The following MKLN1 variants were observed in gnomAD, a reference collection of about 807,000 sequenced individuals.
The protein encoded by MKLN1 is muskelin 1.
In MKLN1, 18 loss-of-function variants were observed where a neutral mutation model predicts 99.0. That is an observed-to-expected ratio of 0.18 (90% CI 0.13 to 0.27). The LOEUF is 0.27. Among genes scored for constraint, MKLN1 ranks in the 10% least tolerant of loss-of-function variants. The pLI is 1.00. For missense variants in MKLN1, 621 were observed against 875.9 expected, an observed-to-expected ratio of 0.71 and a Z score of 3.67; for synonymous variants, 288 against 293.2, an observed-to-expected ratio of 0.98 and a Z score of 0.18.
chr7:131,112,452 A>C (rs1357013094), intron 1 of MKLN1, among the ~76,000 whole-genome samples: 1 of 152,254 alleles, frequency 6.6e-6, no homozygotes, highest in Non-Finnish European at 1.5e-5. Flanking sequence ...TGTTGACAGA[A>C]AAATAAAATT....
chr7:131,242,508 G>C, intron 3 of MKLN1: 1 of 259,754 alleles, frequency 3.8e-6, no homozygotes, highest in Non-Finnish European at 7.6e-6. Flanking sequence ...TGCCCTCCAG[G>C]CTGGGTGACA....
chr7:131,358,610 T>C (rs1799945710), intron 1 of MKLN1, among the ~76,000 whole-genome samples: 1 of 152,164 alleles, frequency 6.6e-6, no homozygotes, highest in Non-Finnish European at 1.5e-5. Flanking sequence ...ATTGGTATCA[T>C]TGTTTTCTTT....
chr7:131,197,817 T>C (rs919394594), intron 2 of MKLN1, among the ~76,000 whole-genome samples: 2 of 152,026 alleles, frequency 1.3e-5, no homozygotes, highest in African/African-American at 4.8e-5. Context: ...TCTAATCTAA[T>C]ACTGCCAGCA....
At chr7:131,285,994 C>T (rs977715756) in intron 3 of MKLN1, among the ~76,000 whole-genome samples, 6 of 147,012 alleles carry the variant, frequency 4.1e-5, no homozygotes, top group African/African-American at 7.7e-5. Flanking sequence ...TTCACTCTGT[C>T]GCCCAGGCTG....
At chr7:131,382,306 A>C (rs1584677481) in intron 2 of MKLN1, among the ~76,000 whole-genome samples, 1 of 152,250 alleles carries the variant, frequency 6.6e-6, no homozygotes, top group East Asian at 1.9e-4. Flanking sequence ...CGGAGGTTGC[A>C]GTGAGCCAGG....
chr7:131,382,105 C>G (rs1793867682), intron 2 of MKLN1, among the ~76,000 whole-genome samples: 1 of 152,220 alleles, frequency 6.6e-6, no homozygotes, highest in Non-Finnish European at 1.5e-5. Flanking sequence ...TGGCTCGTGC[C>G]TGTAATCCCA....
At chr7:131,361,235 C>T (rs1277075382) in intron 1 of MKLN1, among the ~76,000 whole-genome samples, 2 of 151,482 alleles carry the variant, frequency 1.3e-5, no homozygotes, top group East Asian at 3.9e-4. Flanking sequence ...TTCTTCTGCT[C>T]CTTTCTTTCC....
At chr7:131,300,519 T>TAA (rs572144976) in intron 3 of MKLN1, among the ~76,000 whole-genome samples, 9,104 of 139,016 alleles carry the variant, frequency 0.065, 315 homozygotes, top group Middle Eastern at 0.14. Flanking sequence ...TGTCTCTAGT[T>TAA]AAAAAAAAAA....
At chr7:131,446,000 T>C (rs1796003425) in intron 12 of MKLN1, 97 bp downstream of exon 12, 1 of 743,318 alleles carries the variant, frequency 1.3e-6, no homozygotes, top group Non-Finnish European at 2.0e-6. Context: ...TTTCACCCTT[T>C]CTTTATTTCT....
rs548179840 is a variant in MKLN1, at chr7:131,244,152, G to A, written c.-179+41178G>A. ...TACCCGATTTCCCTCTACTCCCCAG[G>A]GACCTGATGACCATTAATGCCTATT... On this transcript the variant is annotated intron_variant, in intron 3 of 7. Transcript: ENST00000416992. Among the ~76,000 whole-genome samples the A allele has an allele frequency of 4.5e-4, 68 of 152,028 alleles. 1 individual carries two copies. The highest frequency in any genetic ancestry group is 7.9e-4 in the Non-Finnish European group (54 of 68,004).
chr7:131,137,449 T>C (rs1473340625), intron 1 of MKLN1, among the ~76,000 whole-genome samples: 1 of 152,190 alleles, frequency 6.6e-6, no homozygotes, highest in Admixed American at 6.5e-5. Context: ...TTGTACTGTG[T>C]GTGGCACAAG....
intron 2 of MKLN1, among the ~76,000 whole-genome samples, chr7:131,377,002 T>C (rs1793685221): frequency 6.6e-6 from 1 of 152,194 alleles, no homozygotes; most frequent in Non-Finnish European, 1.5e-5. Context: ...GTAATTGTAG[T>C]TTGTTCATTT....
chr7:131,138,535 A>G (rs1306536774), intron 1 of MKLN1, among the ~76,000 whole-genome samples: 1 of 152,170 alleles, frequency 6.6e-6, no homozygotes, highest in Non-Finnish European at 1.5e-5. Flanking sequence ...TGTAAATTAG[A>G]TAGTCTAAAA....
chr7:131,392,650 G>T (rs995068384), intron 4 of MKLN1, among the ~76,000 whole-genome samples: 5 of 150,226 alleles, frequency 3.3e-5, no homozygotes, highest in Non-Finnish European at 7.4e-5. Context: ...TGTTGCCTAG[G>T]CTGGAGTGCA....
intron 3 of MKLN1, among the ~76,000 whole-genome samples, chr7:131,223,793 G>A (rs963000334): frequency 3.9e-5 from 6 of 152,014 alleles, no homozygotes; most frequent in Admixed American, 1.3e-4. Flanking sequence ...TTGAGATGGA[G>A]TCTTGCTCTG....
At chr7:131,182,004 C>T (rs1175310828) in intron 2 of MKLN1, among the ~76,000 whole-genome samples, 2 of 152,012 alleles carry the variant, frequency 1.3e-5, no homozygotes, top group African/African-American at 4.8e-5. Context: ...TGTGGTGGTG[C>T]GTGCCTGTAA....
intron 1 of MKLN1, among the ~76,000 whole-genome samples, chr7:131,137,712 T>A (rs941632090): frequency 5.3e-5 from 8 of 151,762 alleles, no homozygotes; most frequent in Non-Finnish European, 8.8e-5. Flanking sequence ...GTAGCTGGGA[T>A]TACGTGCATG....
chr7:131,230,873 C>G (rs1320529511), intron 3 of MKLN1, among the ~76,000 whole-genome samples: 1 of 152,032 alleles, frequency 6.6e-6, no homozygotes, highest in African/African-American at 2.4e-5. Context: ...GTAATCCCAG[C>G]ACTTTGGGAG....
At chr7:131,345,231 TA>T (rs1312794735) in intron 1 of MKLN1, among the ~76,000 whole-genome samples, 1 of 152,232 alleles carries the variant, frequency 6.6e-6, no homozygotes, top group Admixed American at 6.5e-5. Flanking sequence ...TTGAAATGCT[TA>T]AGACCGGAAG....
Sources: gnomAD v4.1 joint callset for allele counts (sites outside exome capture counted in the v4.1 genomes callset) on GRCh38, gnomAD v4.1.1 for gene constraint, MANE v1.5 for transcripts, NCBI Gene and HGNC (gene_info 2026-07-23, HGNC 2026-07-21) for gene names.